LDLRAD3: variants seen among roughly 807,000 people sequenced by gnomAD.
LDLRAD3 encodes the protein low-density lipoprotein receptor class A domain-containing protein 3.
In LDLRAD3, 20 loss-of-function variants were observed where a neutral mutation model predicts 29.4. The ratio of observed to expected loss-of-function variants is 0.68; its 90% CI spans 0.48 to 0.99. The LOEUF (loss-of-function observed/expected upper bound fraction) is 0.99, where lower values mean the gene tolerates loss of function less well. Ranked by LOEUF, LDLRAD3 falls within the 50% of genes least tolerant of loss-of-function variation. The pLI is 0.00. For synonymous variants in LDLRAD3, 157 were observed against 192.7 expected (o/e 0.81, Z 1.53); for missense variants, 420 against 454.3 (o/e 0.92, Z 0.69).
intron 1 of LDLRAD3, among the ~76,000 whole-genome samples, chr11:35,957,806 A>AG (rs1442180229): frequency 6.8e-6 from 1 of 146,690 alleles, no homozygotes; most frequent in Non-Finnish European, 1.5e-5. Context: ...AAAAAAAAAA[A>AG]AAAAAAAAAG....
At chr11:36,011,378 T>C (rs923978910) in intron 1 of LDLRAD3, among the ~76,000 whole-genome samples, 7 of 152,134 alleles carry the variant, frequency 4.6e-5, no homozygotes, top group Admixed American at 1.3e-4. Context: ...AGGCAGCGGG[T>C]ATCTATTAAA....
intron 1 of LDLRAD3, among the ~76,000 whole-genome samples, chr11:36,004,722 G>A (rs929645326): frequency 6.6e-6 from 1 of 152,250 alleles, no homozygotes; most frequent in Non-Finnish European, 1.5e-5. Context: ...CTCTGCCCCT[G>A]CAGCAGACTT....
chr11:36,051,759 GAAAGA>G (rs140640826), intron 2 of LDLRAD3, among the ~76,000 whole-genome samples: 12,121 of 151,714 alleles, frequency 0.08, 787 homozygotes, highest in African/African-American at 0.16. Flanking sequence ...CAAACAAAAA[GAAAGA>G]AAAGAAAAAG....
chr11:36,044,837 G>C (rs748540898), intron 2 of LDLRAD3, among the ~76,000 whole-genome samples: 1 of 152,240 alleles, frequency 6.6e-6, no homozygotes, highest in African/African-American at 2.4e-5. Flanking sequence ...CCTGCAGTGG[G>C]CGCCCACCCC....
intron 4 of LDLRAD3, among the ~76,000 whole-genome samples, chr11:36,224,412 T>C (rs1855471114): frequency 6.6e-6 from 1 of 152,204 alleles, no homozygotes; most frequent in Non-Finnish European, 1.5e-5. Flanking sequence ...GAAGTTATTT[T>C]AGTTTAAGCC....
At chr11:36,203,111 A>AT (rs1268288631) in intron 4 of LDLRAD3, among the ~76,000 whole-genome samples, 1 of 151,066 alleles carries the variant, frequency 6.6e-6, no homozygotes, top group African/African-American at 2.4e-5. Flanking sequence ...AAATTTTTAA[A>AT]TTTTTTATAG....
In LDLRAD3 at chr11:36,059,738, G is replaced by A. The variant is rs112136498; in HGVS notation, c.194-21915G>A. Reference sequence around the variant, plus strand: ...TACGGTTGCCGACTATCACATCTCCGTACATCACCACCTAGCACTTAGCAC... The same window carrying A: ...TACGGTTGCCGACTATCACATCTCCATACATCACCACCTAGCACTTAGCAC... On this transcript the variant is annotated intron_variant, in intron 2 of 5. Coordinates refer to ENST00000315571, the MANE Select transcript of LDLRAD3 (RefSeq NM_174902.4). Among the ~76,000 whole-genome samples the A allele has an allele frequency of 2.2e-4, 33 of 152,152 alleles. 2 individuals are homozygous for A. The highest frequency in any genetic ancestry group is 7.7e-4 in the African/African-American group (32 of 41,498).
intron 1 of LDLRAD3, among the ~76,000 whole-genome samples, chr11:35,979,973 T>G (rs896041536): frequency 6.6e-6 from 1 of 152,244 alleles, no homozygotes; most frequent in Non-Finnish European, 1.5e-5. Context: ...GCTAGAAATA[T>G]CTAAACCGGC....
intron 1 of LDLRAD3, among the ~76,000 whole-genome samples, chr11:35,980,807 T>G (rs1267348410): frequency 6.6e-6 from 1 of 152,214 alleles, no homozygotes; most frequent in Non-Finnish European, 1.5e-5. Flanking sequence ...CTTGTTGCCT[T>G]GCAGATGTGT....
At chr11:36,207,185 A>G (rs1010893040) in intron 4 of LDLRAD3, among the ~76,000 whole-genome samples, 16 of 152,068 alleles carry the variant, frequency 1.1e-4, no homozygotes, top group African/African-American at 3.1e-4. Context: ...CTCACTGGCT[A>G]TCTGTTTGCT....
At chr11:36,131,235 C>G (rs1853921184) in intron 4 of LDLRAD3, among the ~76,000 whole-genome samples, 1 of 152,254 alleles carries the variant, frequency 6.6e-6, no homozygotes, top group Non-Finnish European at 1.5e-5. Context: ...GCTGTCTTGC[C>G]TTTCCACGCA....
At chr11:36,164,230 G>A (rs1854483890) in intron 4 of LDLRAD3, among the ~76,000 whole-genome samples, 1 of 152,202 alleles carries the variant, frequency 6.6e-6, no homozygotes, top group Non-Finnish European at 1.5e-5. Flanking sequence ...CTTATGTGAA[G>A]CACATGGGCG....
In LDLRAD3 at chr11:36,123,400, T is replaced by G. The variant is rs150875015; in HGVS notation, c.454+24939T>G. On this transcript the variant is annotated intron_variant, in intron 4 of 5. Transcript: ENST00000315571. ...GCAGGTTTGCCCTACCTGCTTTTCT[T>G]TCTCCTGGGAGCAATGTGCTGCCCC... is the stretch of plus-strand genomic sequence containing the variant. Among the ~76,000 whole-genome samples the G allele has an allele frequency of 6.9e-4, 105 of 152,338 alleles. 2 individuals are homozygous for G. The East Asian group carries it at 0.017, about 25-fold the overall frequency.
chr11:36,118,200 A>G (rs1853701030), intron 4 of LDLRAD3, among the ~76,000 whole-genome samples: 1 of 152,184 alleles, frequency 6.6e-6, no homozygotes, highest in Non-Finnish European at 1.5e-5. Context: ...TCTGGTTGAA[A>G]GGTGTTAGAC....
At chr11:36,093,595 G>T (rs61463345) in intron 3 of LDLRAD3, among the ~76,000 whole-genome samples, 2 of 152,078 alleles carry the variant, frequency 1.3e-5, no homozygotes, top group East Asian at 1.9e-4. Context: ...AGGCAGTGAC[G>T]CTCCCTGCCC....
intron 4 of LDLRAD3, among the ~76,000 whole-genome samples, chr11:36,109,051 A>G (rs1237568362): frequency 6.6e-6 from 1 of 152,178 alleles, no homozygotes; most frequent in Non-Finnish European, 1.5e-5. Flanking sequence ...GAACAGGATC[A>G]GATATCAAGG....
rs889953979 is a variant in LDLRAD3, at chr11:36,081,533, T to C, written c.194-120T>C. On this transcript the variant is annotated intron_variant, in intron 2 of 5. Coordinates refer to ENST00000315571, the MANE Select transcript of LDLRAD3 (RefSeq NM_174902.4). ...TGGGTGGTGGTAATGAGAAGAAAGC[T>C]TCAAGGACTTTAAGATGAATCTTAA... The C allele has an allele frequency of 4.4e-6, 6 of 1,349,172 alleles. No individual in the cohort carries two copies. The African/African-American group carries it at 8.6e-5, about 19-fold the overall frequency. The allele number at this position is 1,349,172 out of a possible 1,614,324, so 83.6% of individuals were successfully genotyped here.
rs578187761 is a variant in LDLRAD3, at chr11:35,944,582, C to T, written c.46+438C>T. Among the ~76,000 whole-genome samples the T allele has an allele frequency of 6.6e-6, 1 of 152,268 alleles. No homozygotes were observed. Among genetic ancestry groups the T allele is most frequent in the Non-Finnish European group, 1.5e-5 (1 of 68,024 alleles). On this transcript the variant is annotated intron_variant, in intron 1 of 5. Transcript: ENST00000315571. The surrounding 1 kb of genome is among the most constrained non-coding windows in gnomAD (Gnocchi z 4.9). ...CGCGGCTGCGTTAGCCTCCTCTGGG[C>T]CTCTTCCCGAGTCTCTGGCGTGCAC...
chr11:36,097,586 C>T (rs532485340), intron 3 of LDLRAD3, among the ~76,000 whole-genome samples: 11 of 151,922 alleles, frequency 7.2e-5, no homozygotes, highest in Non-Finnish European at 1.3e-4. Context: ...AAATAGATAA[C>T]AGAGACCAGA....
Sources: gnomAD v4.1 joint callset for allele counts (sites outside exome capture counted in the v4.1 genomes callset) on GRCh38, gnomAD v4.1.1 for gene constraint, Gnocchi (gnomAD v3.1) non-coding constraint, MANE v1.5 for transcripts, NCBI Gene and HGNC (gene_info 2026-07-23, HGNC 2026-07-21) for gene names.